The following MTHFD1 variants were observed in gnomAD, a reference collection of about 807,000 sequenced individuals.
MTHFD1 encodes C-1-tetrahydrofolate synthase, cytoplasmic.
A neutral mutation model predicts 110.3 loss-of-function variants in MTHFD1; 44 were observed. That is an observed-to-expected ratio of 0.40 (90% CI 0.31 to 0.51). MTHFD1 has a LOEUF of 0.51. MTHFD1 is among the 20% of genes least tolerant of loss of function. The pLI is 0.60. For synonymous variants in MTHFD1, 402 were observed against 428.8 expected (o/e 0.94, Z 0.77); for missense variants, 909 against 1,173.1 (o/e 0.77, Z 3.29).
Position 64,426,010 on chromosome 14 carries a change from T to C in MTHFD1, c.954-9T>C. 6.2e-7 allele frequency: 1 copy of C among 1,613,488 alleles called. No individual in the cohort carries two copies. Among genetic ancestry groups the C allele is most frequent in the South Asian group, 1.1e-5 (1 of 91,044 alleles). ...TAAACATTAATACCTATTTTCTATG[T>C]TTCCAAAGTGACATTGATATATCAC... On this transcript the variant is annotated splice_polypyrimidine_tract_variant and intron_variant, in intron 10 of 27. Coordinates refer to ENST00000652337, the MANE Select transcript of MTHFD1 (RefSeq NM_005956.4).
intron 3 of MTHFD1, among the ~76,000 whole-genome samples, 173 bp from the exon 4 acceptor site, chr14:64,412,299 G>A (rs541824535): frequency 1.3e-5 from 2 of 152,272 alleles, no homozygotes; most frequent in Admixed American, 6.5e-5. Flanking sequence ...GTGCAGTGGT[G>A]GCAATTAACA....
At chr14:64,406,161 C>T (rs2077934425) in intron 2 of MTHFD1, among the ~76,000 whole-genome samples, 1 of 151,610 alleles carries the variant, frequency 6.6e-6, no homozygotes, top group African/African-American at 2.4e-5. Flanking sequence ...GCCTCAGCCT[C>T]CTGAGTAGCT....
chr14:64,459,742 C>T lies in MTHFD1; in HGVS notation c.*5-17C>T. On this transcript the variant is annotated splice_polypyrimidine_tract_variant and intron_variant, in intron 27 of 27. Coordinates refer to ENST00000652337, the MANE Select transcript of MTHFD1 (RefSeq NM_005956.4). ...GCTTGCTTAGAGAAAACATTTATTT[C>T]TTGTTTTTCCTTCCAGATCACCATC... 6.5e-7 allele frequency: 1 copy of T among 1,526,920 alleles called. No homozygotes were observed. Among genetic ancestry groups the T allele is most frequent in the East Asian group, 2.4e-5 (1 of 40,828 alleles). The allele number at this position is 1,526,920 out of a possible 1,614,324, so 94.6% of individuals were successfully genotyped here.
At chr14:64,408,693 A>G (rs771548364) in intron 2 of MTHFD1, among the ~76,000 whole-genome samples, 3 of 152,186 alleles carry the variant, frequency 2.0e-5, no homozygotes, top group Non-Finnish European at 4.4e-5. Context: ...GGTGGCTCAC[A>G]CCTACCTAGC....
chr14:64,441,348 C>A, intron 18 of MTHFD1, 37 bp from the exon 19 acceptor site: 1 of 1,602,410 alleles, frequency 6.2e-7, no homozygotes, highest in Non-Finnish European at 8.6e-7. Context: ...GGTTTTTTTG[C>A]TGGTGGGAGT....
At position 64,438,518 on chromosome 14, in the gene MTHFD1, C is replaced by T. The variant is rs149918852; in HGVS notation, c.1598-578C>T. 1.2e-3 allele frequency among the ~76,000 whole-genome samples: 189 copies of T among 152,228 alleles called. 1 individual carries two copies. Among genetic ancestry groups the T allele is most frequent in the Admixed American group, 1.8e-3 (27 of 15,292 alleles). Reference sequence around the variant, plus strand: ...TTAACAGTAGTTAGTCCTGGGAGGTCGTTAGTTGGTTAGTTGCTTGGTCTT... The same window carrying T: ...TTAACAGTAGTTAGTCCTGGGAGGTTGTTAGTTGGTTAGTTGCTTGGTCTT... On this transcript the variant is annotated intron_variant, in intron 16 of 27. Coordinates refer to ENST00000652337, the MANE Select transcript of MTHFD1 (RefSeq NM_005956.4).
chr14:64,411,017 TA>T (rs1243726951), intron 2 of MTHFD1, 72 bp from the exon 3 acceptor site: 8 of 1,087,560 alleles, frequency 7.4e-6, no homozygotes, highest in South Asian at 3.7e-5. Context: ...TTATTAAAAC[TA>T]AAATTGTAGA....
At chr14:64,426,325 C>T (rs536117071) in intron 11 of MTHFD1, 133 bp downstream of exon 11, 1 of 997,946 alleles carries the variant, frequency 1.0e-6, no homozygotes, top group East Asian at 2.5e-5. Flanking sequence ...TATTTGATCT[C>T]ATTTGATCCT....
chr14:64,437,338 A>G (rs1232929924), intron 16 of MTHFD1, among the ~76,000 whole-genome samples: 2 of 152,224 alleles, frequency 1.3e-5, no homozygotes, highest in African/African-American at 2.4e-5. Flanking sequence ...CAATGATGTT[A>G]TTAGTAGGAA....
intron 26 of MTHFD1, among the ~76,000 whole-genome samples, chr14:64,456,331 C>T (rs913152201): frequency 2.0e-5 from 3 of 152,150 alleles, no homozygotes; most frequent in Non-Finnish European, 2.9e-5. Flanking sequence ...TTCCAGTTGC[C>T]GTTGGGGCCT....
chr14:64,449,408 A>G, intron 23 of MTHFD1, 37 bp from the exon 24 acceptor site: 1 of 1,608,874 alleles, frequency 6.2e-7, no homozygotes, highest in Non-Finnish European at 8.5e-7. Context: ...CTCTCCAGCC[A>G]TTTTCCATGC....
chr14:64,396,967 T>C (rs1294642339), intron 1 of MTHFD1, among the ~76,000 whole-genome samples: 4 of 144,726 alleles, frequency 2.8e-5, no homozygotes, highest in African/African-American at 5.1e-5. Flanking sequence ...TAGCTGGGCG[T>C]GGTGGCGGGC....
At chr14:64,410,948 C>A in intron 2 of MTHFD1, 142 bp from the exon 3 acceptor site, 1 of 692,710 alleles carries the variant, frequency 1.4e-6, no homozygotes, top group Non-Finnish European at 2.6e-6. Flanking sequence ...GCCCCCACAG[C>A]CTCCCTATAC....
At chr14:64,395,726 C>A (rs76616870) in intron 1 of MTHFD1, among the ~76,000 whole-genome samples, 2,749 of 152,184 alleles carry the variant, frequency 0.018, 70 homozygotes, top group East Asian at 0.089. Flanking sequence ...TGGCATCTAG[C>A]AGTAGAGGCC....
At chr14:64,428,656 C>G (rs1461092363) in intron 12 of MTHFD1, among the ~76,000 whole-genome samples, 2 of 148,140 alleles carry the variant, frequency 1.4e-5, no homozygotes, top group Non-Finnish European at 3.0e-5. Context: ...TGGTTTCAAG[C>G]AATTCTCCTG....
intron 15 of MTHFD1, among the ~76,000 whole-genome samples, chr14:64,433,713 C>CTTTTTTTTT (rs1270622250): frequency 7.5e-6 from 1 of 133,256 alleles, no homozygotes; most frequent in African/African-American, 2.9e-5. Context: ...CTGAGCTCAG[C>CTTTTTTTTT]ATTTTTTTTT....
rs2078106326 is a variant in MTHFD1 at position 64,424,790 on chromosome 14, C to T, written c.728-14C>T. On this transcript the variant is annotated splice_polypyrimidine_tract_variant and intron_variant, in intron 8 of 27. Transcript: ENST00000652337. ...TTCTGAGACTTAGTTTTGATTTCTC[C>T]CCCACTTGACCAGATGATAAAAAAC... is the stretch of plus-strand genomic sequence containing the variant. 2 of 1,613,502 alleles carry T rather than the reference C, an allele frequency of 1.2e-6. No homozygotes were observed. The highest frequency in any genetic ancestry group is 2.7e-5 in the African/African-American group (2 of 75,014).
intron 1 of MTHFD1, among the ~76,000 whole-genome samples, chr14:64,394,914 C>T (rs2077835018): frequency 6.6e-6 from 1 of 152,156 alleles, no homozygotes; most frequent in Non-Finnish European, 1.5e-5. Flanking sequence ...TTCTACCTTC[C>T]CCTCTGATGA....
chr14:64,440,627 G>A (rs2078240169), intron 18 of MTHFD1: 11 of 324,978 alleles, frequency 3.4e-5, no homozygotes, highest in South Asian at 3.0e-4. Context: ...GCTTAATAGA[G>A]TGACCTGATG....
Sources: allele counts gnomAD v4.1 joint callset (sites outside exome capture counted in the v4.1 genomes callset), GRCh38; gene constraint gnomAD v4.1.1; transcripts MANE v1.5; gene names NCBI Gene and HGNC (gene_info 2026-07-23, HGNC 2026-07-21).